The following FBXO36 variants were observed in gnomAD, a reference collection of about 807,000 sequenced individuals.
FBXO36 encodes F-box protein 36, also known as F-box only protein 36.
FBXO36 carries 18 observed loss-of-function variants against 17.0 expected under a neutral mutation model. That is an observed-to-expected ratio of 1.06 (90% CI 0.73 to 1.57). The LOEUF is 1.57. Among genes scored for constraint, FBXO36 ranks in the 40% most tolerant of loss-of-function variants. The pLI is 0.00. For missense variants in FBXO36, 229 were observed against 221.9 expected (o/e 1.03, Z -0.20); for synonymous variants, 83 against 85.3 (o/e 0.97, Z 0.15).
At chr2:229,940,152 GTGTCAAACTAAT>G (rs2076990804) in intron 1 of FBXO36, among the ~76,000 whole-genome samples, 1 of 152,008 alleles carries the variant, frequency 6.6e-6, no homozygotes, top group Non-Finnish European at 1.5e-5. Context: ...TCTGCCTACT[GTGTCAAACTAAT>G]TGTTCCCAAT....
chr2:229,946,955 T>C (rs2077030221), intron 1 of FBXO36, among the ~76,000 whole-genome samples: 1 of 152,096 alleles, frequency 6.6e-6, no homozygotes, highest in Non-Finnish European at 1.5e-5. Flanking sequence ...TCACCTAAGG[T>C]CAGGAGTTCC....
intron 3 of FBXO36, among the ~76,000 whole-genome samples, chr2:230,000,333 G>A (rs4972923): frequency 0.47 from 65,143 of 139,550 alleles, 15,118 homozygotes; most frequent in Middle Eastern, 0.48. Context: ...ACTGCAGCCT[G>A]GACAACAGAG....
At chr2:229,985,223 A>C (rs986532394) in intron 2 of FBXO36, among the ~76,000 whole-genome samples, 5 of 152,336 alleles carry the variant, frequency 3.3e-5, no homozygotes, top group African/African-American at 9.6e-5. Context: ...GACTTCATTA[A>C]TATTTTGATG....
chr2:229,980,943 C>T (rs1577353283), intron 2 of FBXO36, among the ~76,000 whole-genome samples: 2 of 152,134 alleles, frequency 1.3e-5, no homozygotes, highest in East Asian at 3.9e-4. Flanking sequence ...GGGGAAAACT[C>T]CAAACCATGG....
chr2:229,988,140 T>C (rs560615675), intron 2 of FBXO36, among the ~76,000 whole-genome samples: 2 of 152,344 alleles, frequency 1.3e-5, no homozygotes, highest in Admixed American at 1.3e-4. Flanking sequence ...TGGAGATTTC[T>C]TAGTTACTTT....
At chr2:229,983,275 T>C (rs1455417073) in intron 2 of FBXO36, among the ~76,000 whole-genome samples, 2 of 151,898 alleles carry the variant, frequency 1.3e-5, no homozygotes, top group African/African-American at 4.8e-5. Context: ...CTCGGGAGGC[T>C]GAGGCAGGAG....
At chr2:229,924,940 T>C (rs2076900664) in intron 1 of FBXO36, among the ~76,000 whole-genome samples, 1 of 151,784 alleles carries the variant, frequency 6.6e-6, no homozygotes, top group South Asian at 2.1e-4. Context: ...GGCTAATTTT[T>C]TGTATTTTTA....
intron 3 of FBXO36, among the ~76,000 whole-genome samples, chr2:229,997,591 A>T (rs550231801): frequency 6.6e-6 from 1 of 151,922 alleles, no homozygotes; most frequent in African/African-American, 2.4e-5. Context: ...AAAAAAAAAA[A>T]AAGAGAGAGA....
At chr2:229,949,079 C>T (rs1418431712) in intron 1 of FBXO36, among the ~76,000 whole-genome samples, 6 of 152,142 alleles carry the variant, frequency 3.9e-5, no homozygotes, top group South Asian at 2.1e-4. Flanking sequence ...GTGATCCGCC[C>T]GCCTTGGCCT....
chr2:229,997,353 G>A (rs1346983778), intron 3 of FBXO36, among the ~76,000 whole-genome samples: 1 of 151,718 alleles, frequency 6.6e-6, no homozygotes, highest in East Asian at 2.0e-4. Flanking sequence ...CGAGGTGGGT[G>A]GATCACCTGA....
intron 2 of FBXO36, among the ~76,000 whole-genome samples, chr2:229,995,678 C>T (rs1176290806): frequency 2.7e-5 from 4 of 149,928 alleles, no homozygotes; most frequent in Non-Finnish European, 4.4e-5. Flanking sequence ...CCGCAACCTC[C>T]GCCTCCCGGG....
At chr2:229,972,929 G>A (rs1458942695) in intron 1 of FBXO36, among the ~76,000 whole-genome samples, 8 of 152,016 alleles carry the variant, frequency 5.3e-5, no homozygotes, top group Non-Finnish European at 2.9e-5. Context: ...AGGCGTGGTG[G>A]CGTGCGCCTG....
At chr2:229,977,608 G>A (rs10204772) in intron 2 of FBXO36, among the ~76,000 whole-genome samples, 37,640 of 151,742 alleles carry the variant, frequency 0.25, 4,825 homozygotes, top group South Asian at 0.29. Context: ...ACACCACCAC[G>A]CCAGGCTAAT....
At chr2:229,952,569 G>T (rs976904459) in intron 1 of FBXO36, among the ~76,000 whole-genome samples, 1 of 152,140 alleles carries the variant, frequency 6.6e-6, no homozygotes, top group Admixed American at 6.5e-5. Context: ...CCTCCGCCCC[G>T]ACCTTTCTCA....
chr2:229,988,843 TG>T (rs372528846), intron 2 of FBXO36, among the ~76,000 whole-genome samples: 275 of 135,894 alleles, frequency 2.0e-3, no homozygotes, highest in South Asian at 0.015. Context: ...TTTTTTTTTT[TG>T]TTTTTTTTTT....
intron 1 of FBXO36, among the ~76,000 whole-genome samples, chr2:229,926,140 A>AG: frequency 6.6e-6 from 1 of 151,022 alleles, no homozygotes; most frequent in Admixed American, 6.6e-5. Context: ...AAAAAAAAAA[A>AG]AAAAAGGGGG....
chr2:229,964,550 C>T (rs2077140907), intron 1 of FBXO36, among the ~76,000 whole-genome samples: 1 of 152,234 alleles, frequency 6.6e-6, no homozygotes, highest in Non-Finnish European at 1.5e-5. Flanking sequence ...GACGGAGTCT[C>T]GCTCTGTCAC....
intron 1 of FBXO36, 151 bp downstream of exon 1, chr2:229,922,760 C>T (rs922162690): frequency 6.7e-6 from 5 of 743,958 alleles, no homozygotes; most frequent in East Asian, 2.8e-5. Context: ...CTCGTCACCT[C>T]GGCCTCCTCG....
chr2:229,958,206 G>T, intron 1 of FBXO36, among the ~76,000 whole-genome samples: 1 of 100,400 alleles, frequency 1.0e-5, no homozygotes, highest in African/African-American at 3.2e-5. Context: ...CCATCTGTTT[G>T]ACCTTTACAA....
Sources: allele counts gnomAD v4.1 joint callset (sites outside exome capture counted in the v4.1 genomes callset), GRCh38; gene constraint gnomAD v4.1.1; transcripts MANE v1.5; gene names NCBI Gene and HGNC (gene_info 2026-07-23, HGNC 2026-07-21).